The following SLIT2 variants were observed in gnomAD, a reference collection of about 807,000 sequenced individuals.
SLIT2 encodes slit homolog 2 protein.
SLIT2 carries 41 observed loss-of-function variants against 185.7 expected under a neutral mutation model. That is an observed-to-expected ratio of 0.22 (90% CI 0.17 to 0.29). The LOEUF (loss-of-function observed/expected upper bound fraction) is 0.29. Ranked by LOEUF, SLIT2 falls within the 10% of genes least tolerant of loss-of-function variation. The probability of loss-of-function intolerance (pLI) is 1.00; values close to 1 mark genes in which losing one functional copy is unlikely to be tolerated. For synonymous variants in SLIT2, 693 were observed against 680.2 expected, an observed-to-expected ratio of 1.02 and a Z score of -0.29; for missense variants, 1,571 against 1,909.0, an observed-to-expected ratio of 0.82 and a Z score of 3.30.
At chr4:20,380,590 G>A (rs1484094848) in intron 4 of SLIT2, among the ~76,000 whole-genome samples, 1 of 151,956 alleles carries the variant, frequency 6.6e-6, no homozygotes, top group African/African-American at 2.4e-5. Context: ...GATAAGAAAA[G>A]ATGCAAGTCA....
chr4:20,494,503 G>A (rs540464762), intron 9 of SLIT2, among the ~76,000 whole-genome samples: 43 of 152,292 alleles, frequency 2.8e-4, no homozygotes, highest in Non-Finnish European at 4.9e-4. Flanking sequence ...TGGGCTGGGT[G>A]CAGTGGCTCA....
chr4:20,542,742 C>A (rs950870140), intron 21 of SLIT2, 116 bp downstream of exon 21: 3 of 1,111,762 alleles, frequency 2.7e-6, no homozygotes, highest in East Asian at 2.4e-5. Flanking sequence ...ATTCTAAGGC[C>A]AGTTAATTAT....
chr4:20,469,968 T>C (rs561115718), intron 5 of SLIT2, among the ~76,000 whole-genome samples: 32 of 152,094 alleles, frequency 2.1e-4, no homozygotes, highest in Non-Finnish European at 3.8e-4. Context: ...TTGGTCAGGC[T>C]GGTCTCGAAC....
At chr4:20,352,299 C>CTT (rs143588094) in intron 4 of SLIT2, among the ~76,000 whole-genome samples, 3 of 151,004 alleles carry the variant, frequency 2.0e-5, no homozygotes, top group Non-Finnish European at 3.0e-5. Flanking sequence ...CTCTTCTCAC[C>CTT]TTTTTTTTTA....
intron 17 of SLIT2, among the ~76,000 whole-genome samples, chr4:20,532,794 T>C (rs1721920918): frequency 1.3e-5 from 2 of 152,252 alleles, no homozygotes; most frequent in South Asian, 4.1e-4. Flanking sequence ...GTTTCTGATA[T>C]CTTAATTGCC....
At chr4:20,428,042 A>G (rs907072616) in intron 4 of SLIT2, among the ~76,000 whole-genome samples, 1 of 152,220 alleles carries the variant, frequency 6.6e-6, no homozygotes, top group African/African-American at 2.4e-5. Flanking sequence ...AATTGTTCAC[A>G]GCAAAGAGAA....
intron 4 of SLIT2, among the ~76,000 whole-genome samples, chr4:20,376,880 G>T (rs1435265536): frequency 6.6e-6 from 1 of 152,046 alleles, no homozygotes; most frequent in Non-Finnish European, 1.5e-5. Flanking sequence ...TCGTGGAGCG[G>T]GGGTTGGGAG....
intron 5 of SLIT2, among the ~76,000 whole-genome samples, chr4:20,475,770 CT>C (rs1716035966): frequency 6.6e-6 from 1 of 152,112 alleles, no homozygotes. Context: ...ATTCCCAGGA[CT>C]TAATGTCAAT....
At position 20,443,639 on chromosome 4, in the gene SLIT2, TTTATAACAATGATTACCTTGTATGGA is replaced by T. The variant is rs574423718; in HGVS notation, c.396-24110_396-24085del. 5.4e-3 allele frequency among the ~76,000 whole-genome samples: 815 copies of T among 150,368 alleles called. 6 individuals carry two copies. Among genetic ancestry groups the T allele is most frequent in the African/African-American group, 0.019 (782 of 40,914 alleles). ...AATTTGGAACTAGACCAGGAATGGCTTTATAACAATGATTACCTTGTATGGATTGAACACTTACTAAGTACCAAGCG... is the reference window on the plus strand; with the variant it reads ...AATTTGGAACTAGACCAGGAATGGCTTTGAACACTTACTAAGTACCAAGCG... On this transcript the variant is annotated intron_variant, in intron 4 of 36. Transcript: ENST00000504154.
intron 4 of SLIT2, among the ~76,000 whole-genome samples, chr4:20,448,226 T>A (rs1281408595): frequency 6.6e-6 from 1 of 152,198 alleles, no homozygotes; most frequent in Non-Finnish European, 1.5e-5. Flanking sequence ...ATATACTGAT[T>A]GTGTGTTTAA....
intron 3 of SLIT2, among the ~76,000 whole-genome samples, chr4:20,264,460 C>G (rs1376798680): frequency 6.6e-6 from 1 of 151,666 alleles, no homozygotes; most frequent in Non-Finnish European, 1.5e-5. Context: ...ATTTTACTGG[C>G]TTTGGTAAAA....
At chr4:20,365,604 C>G (rs894509389) in intron 4 of SLIT2, among the ~76,000 whole-genome samples, 13 of 152,050 alleles carry the variant, frequency 8.5e-5, no homozygotes, top group African/African-American at 2.7e-4. Flanking sequence ...CAACAGTAGT[C>G]TTTGTTTCAC....
chr4:20,490,700 C>T (rs1560470691), intron 8 of SLIT2: 2 of 819,710 alleles, frequency 2.4e-6, no homozygotes, highest in Non-Finnish European at 3.9e-6. Flanking sequence ...GGAATGTTCT[C>T]AATATGTCTG....
chr4:20,452,821 G>C (rs2148716370), intron 4 of SLIT2, among the ~76,000 whole-genome samples: 1 of 152,332 alleles, frequency 6.6e-6, no homozygotes, highest in Middle Eastern at 3.4e-3. Flanking sequence ...CTCTGCTGCT[G>C]TGGGAACCGA....
intron 16 of SLIT2, among the ~76,000 whole-genome samples, chr4:20,530,970 A>C (rs1392607631): frequency 6.6e-6 from 1 of 151,982 alleles, no homozygotes; most frequent in Non-Finnish European, 1.5e-5. Flanking sequence ...GGCTAAAAAA[A>C]AAAAACAAAA....
chr4:20,295,450 TG>T (rs1462555336), intron 4 of SLIT2, among the ~76,000 whole-genome samples: 1 of 152,210 alleles, frequency 6.6e-6, no homozygotes, highest in Non-Finnish European at 1.5e-5. Context: ...ACTCCTAATT[TG>T]GTCATGACTT....
At chr4:20,470,141 C>A (rs1333818162) in intron 5 of SLIT2, among the ~76,000 whole-genome samples, 1 of 151,926 alleles carries the variant, frequency 6.6e-6, no homozygotes, top group Non-Finnish European at 1.5e-5. Context: ...CCTTTCGAAA[C>A]AGTAAAATGC....
chr4:20,578,908 G>T (rs978976889), intron 29 of SLIT2, among the ~76,000 whole-genome samples: 11 of 152,022 alleles, frequency 7.2e-5, no homozygotes, highest in African/African-American at 2.7e-4. Context: ...TGATAAGCAG[G>T]CTTCCACCTT....
At chr4:20,283,340 AG>A (rs1714972771) in intron 4 of SLIT2, among the ~76,000 whole-genome samples, 1 of 152,174 alleles carries the variant, frequency 6.6e-6, no homozygotes, top group African/African-American at 2.4e-5. Context: ...CTCTATAGAG[AG>A]GGTGTTGGAG....
Sources: gnomAD v4.1 joint callset for allele counts (sites outside exome capture counted in the v4.1 genomes callset) on GRCh38, gnomAD v4.1.1 for gene constraint, MANE v1.5 for transcripts, NCBI Gene and HGNC (gene_info 2026-07-23, HGNC 2026-07-21) for gene names.